The following SIPA1L3 variants were observed in gnomAD, a reference collection of about 807,000 sequenced individuals.
SIPA1L3 encodes signal induced proliferation associated 1 like 3.
SIPA1L3 carries 59 observed loss-of-function variants against 150.1 expected under a neutral mutation model. The observed-to-expected ratio is 0.39, with a 90% CI of 0.32 to 0.49. The LOEUF (loss-of-function observed/expected upper bound fraction) is 0.49. Among genes scored for constraint, SIPA1L3 ranks in the 20% least tolerant of loss-of-function variants. The probability of loss-of-function intolerance (pLI) is 0.86; values close to 1 mark genes in which losing one functional copy is unlikely to be tolerated. For synonymous variants in SIPA1L3, 1,070 were observed against 1,077.6 expected (o/e 0.99, Z 0.14); for missense variants, 2,211 against 2,489.5 (o/e 0.89, Z 2.38).
chr19:38,081,333 C>G lies in SIPA1L3; in HGVS notation c.-233C>G, dbSNP rs1969972679. ...CTGCCTGCTCTGCGCTACTGAGCCA[C>G]TCGGTCTGGAGCCCCCAGGACAGCA... is the stretch of plus-strand genomic sequence containing the variant. On this transcript the variant is annotated 5_prime_UTR_variant, in exon 3 of 22. Transcript: ENST00000222345. The G allele has an allele frequency of 4.0e-6, 2 of 505,646 alleles. No individual in the cohort carries two copies. The highest frequency in any genetic ancestry group is 1.9e-5 in the African/African-American group (1 of 52,746). 31.3% of individuals were successfully genotyped at this position (505,646 alleles called of 1,614,324 possible).
Position 38,198,541 on chromosome 19 carries a change from C to T in SIPA1L3, c.4984+9C>T. On this transcript the variant is annotated intron_variant, in intron 19 of 21. Transcript: ENST00000222345. Reference sequence around the variant, plus strand: ...AGCCAAGGCATACGAAGGTAGGCGCCTTCCACCCAGTCCCGCCAGGCCCCC... The same window carrying T: ...AGCCAAGGCATACGAAGGTAGGCGCTTTCCACCCAGTCCCGCCAGGCCCCC... 1.3e-6 allele frequency: 2 copies of T among 1,529,042 alleles called. No homozygotes were observed. Among genetic ancestry groups the T allele is most frequent in the Non-Finnish European group, 1.8e-6 (2 of 1,139,924 alleles). 94.7% of individuals were successfully genotyped at this position (1,529,042 alleles called of 1,614,324 possible). A position where few individuals can be genotyped will look rare whatever the true frequency, so the allele number is the denominator to read the frequency against.
At chr19:38,193,909 A>T (rs889229672) in intron 18 of SIPA1L3, 129 bp downstream of exon 18, 2 of 1,105,666 alleles carry the variant, frequency 1.8e-6, no homozygotes, top group Non-Finnish European at 2.4e-6. Context: ...TCAGGGAGGA[A>T]TGGGGTTCAC....
chr19:38,035,135 G>A (rs1273767306), intron 2 of SIPA1L3, among the ~76,000 whole-genome samples: 2 of 152,142 alleles, frequency 1.3e-5, no homozygotes, highest in Non-Finnish European at 2.9e-5. Flanking sequence ...GGGCTTTGGA[G>A]GTGGAATAGA....
chr19:38,106,399 G>T (rs755187366), intron 6 of SIPA1L3, 138 bp from the exon 7 acceptor site: 5 of 704,718 alleles, frequency 7.1e-6, no homozygotes, highest in South Asian at 4.4e-5. Context: ...GAACCACCAG[G>T]CCTGGCCAGT....
chr19:38,150,493 A>G (rs1222640015), intron 12 of SIPA1L3, among the ~76,000 whole-genome samples: 2 of 150,096 alleles, frequency 1.3e-5, no homozygotes, highest in Admixed American at 6.6e-5. Flanking sequence ...GAAAATACAG[A>G]TGCCAGGAGC....
chr19:38,105,381 A>G (rs1429703493), intron 6 of SIPA1L3, among the ~76,000 whole-genome samples: 3 of 151,560 alleles, frequency 2.0e-5, no homozygotes, highest in African/African-American at 4.8e-5. Context: ...AAAAAAAAGA[A>G]CAGATCTGGA....
intron 1 of SIPA1L3, among the ~76,000 whole-genome samples, chr19:38,014,526 T>C (rs558050774): frequency 6.8e-6 from 1 of 147,712 alleles, no homozygotes; most frequent in South Asian, 2.1e-4. Flanking sequence ...CCCGATGGAA[T>C]GCTTCTCACA....
intron 15 of SIPA1L3, among the ~76,000 whole-genome samples, chr19:38,178,500 G>C (rs2146016351): frequency 6.6e-6 from 1 of 152,108 alleles, no homozygotes; most frequent in Non-Finnish European, 1.5e-5. Flanking sequence ...TTTTGAGATG[G>C]AGTCTCACTC....
At chr19:38,058,546 G>A (rs892297238) in intron 2 of SIPA1L3, among the ~76,000 whole-genome samples, 2 of 152,158 alleles carry the variant, frequency 1.3e-5, no homozygotes, top group Non-Finnish European at 2.9e-5. Context: ...CGGAGGGAGT[G>A]CACATTCCCC....
At chr19:37,914,743 G>A (rs1338910967) in intron 1 of SIPA1L3, among the ~76,000 whole-genome samples, 1 of 152,056 alleles carries the variant, frequency 6.6e-6, no homozygotes, top group Admixed American at 6.6e-5. Context: ...GGGCTCAGGT[G>A]ATCCTCCACC....
chr19:38,014,672 A>ATTTTTTTTTT (rs11335709), intron 1 of SIPA1L3, among the ~76,000 whole-genome samples: 2 of 139,752 alleles, frequency 1.4e-5, no homozygotes, highest in South Asian at 2.3e-4. Context: ...CCCCCGGCTA[A>ATTTTTTTTTT]TTTTTTTTTT....
chr19:38,010,059 G>A (rs889385301), intron 1 of SIPA1L3, among the ~76,000 whole-genome samples: 3 of 151,878 alleles, frequency 2.0e-5, no homozygotes, highest in Non-Finnish European at 4.4e-5. Flanking sequence ...TTATACTGAC[G>A]TCTATAACCC....
chr19:38,001,005 CAT>C (rs1248642798), intron 1 of SIPA1L3, among the ~76,000 whole-genome samples: 5 of 148,450 alleles, frequency 3.4e-5, no homozygotes, highest in East Asian at 2.0e-4. Flanking sequence ...ACACATCAAT[CAT>C]ATACACATAT....
intron 1 of SIPA1L3, among the ~76,000 whole-genome samples, chr19:37,960,384 G>A (rs1014858948): frequency 1.3e-5 from 2 of 151,134 alleles, no homozygotes; most frequent in African/African-American, 4.9e-5. Context: ...CTATAGGTGC[G>A]CGCCACCACA....
chr19:37,910,737 T>C (rs182012494), intron 1 of SIPA1L3, among the ~76,000 whole-genome samples: 3 of 152,268 alleles, frequency 2.0e-5, no homozygotes, highest in Non-Finnish European at 4.4e-5. Context: ...CCTGAGTATC[T>C]GGGATTACAG....
intron 1 of SIPA1L3, among the ~76,000 whole-genome samples, chr19:37,955,245 G>A (rs2046799982): frequency 6.6e-6 from 1 of 151,966 alleles, no homozygotes; most frequent in Non-Finnish European, 1.5e-5. Context: ...TACAAAATTA[G>A]CCAGGTGTGT....
intron 8 of SIPA1L3, among the ~76,000 whole-genome samples, chr19:38,112,368 G>A (rs1031465843): frequency 5.3e-5 from 8 of 152,198 alleles, no homozygotes; most frequent in Non-Finnish European, 8.8e-5. Flanking sequence ...CATCAGAGGT[G>A]GAGGGTTGAG....
In SIPA1L3 at chr19:38,001,023, ACACACATATAT is replaced by A. The variant is rs948555691; in HGVS notation, c.-378-28043_-378-28033del. On this transcript the variant is annotated intron_variant, in intron 1 of 21. Coordinates refer to ENST00000222345, the MANE Select transcript of SIPA1L3 (RefSeq NM_015073.3). ...CATCAATCATATACACATATATATC[ACACACATATAT>A]CACACATATATCACACATATATATA... Among the ~76,000 whole-genome samples, 100 of 150,160 alleles carry A rather than the reference ACACACATATAT, an allele frequency of 6.7e-4. 1 individual carries two copies. Among genetic ancestry groups the A allele is most frequent in the South Asian group, 1.9e-3 (9 of 4,764 alleles).
At chr19:38,013,579 T>C (rs1968159805) in intron 1 of SIPA1L3, among the ~76,000 whole-genome samples, 1 of 152,188 alleles carries the variant, frequency 6.6e-6, no homozygotes, top group Admixed American at 6.5e-5. Context: ...AAAACAAGCA[T>C]GTATTATATG....
Sources: allele counts gnomAD v4.1 joint callset (sites outside exome capture counted in the v4.1 genomes callset), GRCh38; gene constraint gnomAD v4.1.1; transcripts MANE v1.5; gene names NCBI Gene and HGNC (gene_info 2026-07-23, HGNC 2026-07-21).